The following FSTL5 variants were observed in gnomAD, a reference collection of about 807,000 sequenced individuals.
FSTL5 encodes follistatin-related protein 5.
In FSTL5, 62 loss-of-function variants were observed where a neutral mutation model predicts 89.1. That is an observed-to-expected ratio of 0.70 (90% CI 0.57 to 0.86). The LOEUF (loss-of-function observed/expected upper bound fraction) is 0.86. Ranked by LOEUF, FSTL5 falls within the 40% of genes least tolerant of loss-of-function variation. The pLI, the probability that FSTL5 is intolerant of heterozygous loss-of-function variation, is 0.00. For missense variants in FSTL5, 1,057 were observed against 1,001.6 expected (o/e 1.06, Z -0.75); for synonymous variants, 383 against 346.2 (o/e 1.11, Z -1.18).
At chr4:162,075,789 A>G (rs1390927180) in intron 2 of FSTL5, among the ~76,000 whole-genome samples, 1 of 151,838 alleles carries the variant, frequency 6.6e-6, no homozygotes, top group Non-Finnish European at 1.5e-5. Context: ...TTCCTTAGGG[A>G]CAGCCACAAG....
At chr4:161,991,377 CT>C (rs144952832) in intron 3 of FSTL5, among the ~76,000 whole-genome samples, 5 of 151,470 alleles carry the variant, frequency 3.3e-5, no homozygotes, top group Admixed American at 2.0e-4. Flanking sequence ...ATTTTCTAGT[CT>C]TTTTTTTTCC....
chr4:161,693,052 C>G (rs1271249464), intron 6 of FSTL5, among the ~76,000 whole-genome samples: 1 of 152,058 alleles, frequency 6.6e-6, no homozygotes, highest in East Asian at 1.9e-4. Context: ...CATCTGGCCT[C>G]CAGAATTGTG....
intron 7 of FSTL5, among the ~76,000 whole-genome samples, chr4:161,620,581 G>A (rs564234366): frequency 1.2e-4 from 19 of 152,118 alleles, no homozygotes; most frequent in African/African-American, 3.1e-4. Flanking sequence ...GCTTGAACGC[G>A]AAGGGTGGAG....
chr4:161,531,194 C>T (rs986592518), intron 10 of FSTL5, among the ~76,000 whole-genome samples: 7 of 152,120 alleles, frequency 4.6e-5, no homozygotes, highest in African/African-American at 1.7e-4. Flanking sequence ...TATTTGTTGA[C>T]AAAGTTAGAC....
At chr4:161,881,349 A>G (rs924417432) in intron 4 of FSTL5, among the ~76,000 whole-genome samples, 6 of 151,804 alleles carry the variant, frequency 4.0e-5, no homozygotes, top group African/African-American at 1.5e-4. Flanking sequence ...CAGTTGTATC[A>G]ATGAACTTCA....
chr4:161,691,680 T>A (rs1737949068), intron 6 of FSTL5, among the ~76,000 whole-genome samples: 1 of 152,154 alleles, frequency 6.6e-6, no homozygotes, highest in East Asian at 1.9e-4. Flanking sequence ...TTTACTTACA[T>A]CTTTAATTTC....
At chr4:161,443,098 C>T (rs369741830) in intron 15 of FSTL5, among the ~76,000 whole-genome samples, 1 of 151,964 alleles carries the variant, frequency 6.6e-6, no homozygotes, top group African/African-American at 2.4e-5. Flanking sequence ...AGATTGCCAT[C>T]TTTTGAGGAT....
intron 1 of FSTL5, among the ~76,000 whole-genome samples, 176 bp from the exon 2 acceptor site, chr4:162,111,588 TAAC>T (rs1038351700): frequency 6.6e-6 from 1 of 152,066 alleles, no homozygotes; most frequent in African/African-American, 2.4e-5. Flanking sequence ...CCTTTGATCA[TAAC>T]AAATACTTTT....
intron 12 of FSTL5, among the ~76,000 whole-genome samples, chr4:161,487,017 A>T (rs1170786896): frequency 2.0e-5 from 3 of 152,140 alleles, no homozygotes; most frequent in Non-Finnish European, 4.4e-5. Flanking sequence ...CAAATTTCCA[A>T]CACCTACATA....
chr4:161,712,793 G>C (rs114130614), intron 6 of FSTL5, among the ~76,000 whole-genome samples: 1,848 of 149,944 alleles, frequency 0.012, 26 homozygotes, highest in African/African-American at 0.044. Context: ...CTCTCTTTCT[G>C]AGTTCACTGG....
At chr4:161,966,774 T>C (rs1439762050) in intron 3 of FSTL5, among the ~76,000 whole-genome samples, 3 of 152,004 alleles carry the variant, frequency 2.0e-5, no homozygotes, top group Non-Finnish European at 4.4e-5. Flanking sequence ...GAAACAAATT[T>C]CTGTTGTTTA....
chr4:161,746,438 G>C (rs952261477), intron 6 of FSTL5, among the ~76,000 whole-genome samples: 1 of 152,060 alleles, frequency 6.6e-6, no homozygotes, highest in African/African-American at 2.4e-5. Context: ...TAGTGCCCTG[G>C]TGAATGTTTA....
chr4:161,725,859 C>A (rs1235693905), intron 6 of FSTL5, among the ~76,000 whole-genome samples: 1 of 152,148 alleles, frequency 6.6e-6, no homozygotes, highest in Non-Finnish European at 1.5e-5. Context: ...AAAGTAATTG[C>A]GGTTTTTGCC....
rs954312295 is a variant in FSTL5, at chr4:161,744,094, T to A, written c.727+15317A>T. On this transcript the variant is annotated intron_variant, in intron 6 of 15. Coordinates refer to ENST00000306100, the MANE Select transcript of FSTL5 (RefSeq NM_020116.5). ...ATGAACAACAGAAGGTGTTTTTTTT[T>A]AAATCATCCTGTTTTTTTCAAAGAT... 6.6e-5 allele frequency among the ~76,000 whole-genome samples: 10 copies of A among 152,116 alleles called. No homozygotes were observed. The South Asian group carries it at 8.3e-4, about 13-fold the overall frequency.
chr4:161,487,633 C>T (rs10155416), intron 12 of FSTL5, among the ~76,000 whole-genome samples: 7,910 of 151,742 alleles, frequency 0.052, 561 homozygotes, highest in African/African-American at 0.17. Flanking sequence ...TTTTTTTCTC[C>T]CACAGAGTTT....
At chr4:162,032,140 A>G (rs1218800565) in intron 3 of FSTL5, among the ~76,000 whole-genome samples, 1 of 152,154 alleles carries the variant, frequency 6.6e-6, no homozygotes, top group Non-Finnish European at 1.5e-5. Context: ...ACCCCAAGGC[A>G]ATAAAGTATC....
chr4:161,619,915 A>T (rs1735054167), intron 7 of FSTL5, among the ~76,000 whole-genome samples: 1 of 152,008 alleles, frequency 6.6e-6, no homozygotes, highest in South Asian at 2.1e-4. Flanking sequence ...CACTATTCAC[A>T]ATAGCAAAGA....
intron 11 of FSTL5, among the ~76,000 whole-genome samples, chr4:161,501,410 T>C (rs564346346): frequency 2.0e-5 from 3 of 152,064 alleles, no homozygotes; most frequent in Non-Finnish European, 4.4e-5. Context: ...ATTTTTCCCA[T>C]ATAACTATGT....
chr4:162,021,687 A>G (rs1737090782), intron 3 of FSTL5, among the ~76,000 whole-genome samples: 1 of 151,858 alleles, frequency 6.6e-6, no homozygotes, highest in Non-Finnish European at 1.5e-5. Context: ...ACTTAGAAAC[A>G]GAAAGTCAAA....
Sources: allele counts gnomAD v4.1 joint callset (sites outside exome capture counted in the v4.1 genomes callset), GRCh38; gene constraint gnomAD v4.1.1; transcripts MANE v1.5; gene names NCBI Gene and HGNC (gene_info 2026-07-23, HGNC 2026-07-21).